PKP4: variants seen among roughly 807,000 people sequenced by gnomAD.
The protein encoded by PKP4 is plakophilin 4, also known as plakophilin-4.
In PKP4, 90 loss-of-function variants were observed where a neutral mutation model predicts 145.1. That is an observed-to-expected ratio of 0.62 (90% CI 0.52 to 0.74). PKP4 has a LOEUF of 0.74. PKP4 is among the 30% of genes least tolerant of loss of function. The probability of loss-of-function intolerance (pLI) is 0.00; values close to 1 mark genes in which losing one functional copy is unlikely to be tolerated. For synonymous variants in PKP4, 563 were observed against 577.2 expected (o/e 0.98, Z 0.35); for missense variants, 1,340 against 1,482.7 (o/e 0.90, Z 1.58).
intron 3 of PKP4, among the ~76,000 whole-genome samples, chr2:158,591,266 G>T (rs2049253840): frequency 6.6e-6 from 1 of 151,920 alleles, no homozygotes; most frequent in African/African-American, 2.4e-5. Flanking sequence ...CAGGGAATAT[G>T]AATACTGACT....
intron 3 of PKP4, among the ~76,000 whole-genome samples, chr2:158,593,830 A>G (rs2049486923): frequency 6.6e-6 from 1 of 152,236 alleles, no homozygotes; most frequent in Non-Finnish European, 1.5e-5. Context: ...GAAAACAAGT[A>G]TGAAAACAAA....
intron 1 of PKP4, among the ~76,000 whole-genome samples, chr2:158,521,879 T>TATTTTGTA (rs1385484731): frequency 6.6e-6 from 1 of 152,236 alleles, no homozygotes; most frequent in Non-Finnish European, 1.5e-5. Flanking sequence ...GTTCATCTAA[T>TATTTTGTA]GCTTATTTTC....
chr2:158,550,553 C>G (rs903126125), intron 2 of PKP4, among the ~76,000 whole-genome samples: 1 of 152,208 alleles, frequency 6.6e-6, no homozygotes, highest in Non-Finnish European at 1.5e-5. Flanking sequence ...GGTGTGATTT[C>G]TAGTCCTGCT....
chr2:158,635,655 A>G (rs1366794237), intron 9 of PKP4, among the ~76,000 whole-genome samples: 1 of 152,200 alleles, frequency 6.6e-6, no homozygotes, highest in East Asian at 1.9e-4. Context: ...TTGATTCTCT[A>G]TAAACAAGGA....
chr2:158,474,672 A>G (rs549242334), intron 1 of PKP4, among the ~76,000 whole-genome samples: 44 of 152,274 alleles, frequency 2.9e-4, no homozygotes, highest in South Asian at 1.7e-3. Context: ...CCTTTCCCTC[A>G]GCAGTGTAAG....
At chr2:158,635,305 C>G (rs1362288570) in intron 9 of PKP4, among the ~76,000 whole-genome samples, 1 of 152,270 alleles carries the variant, frequency 6.6e-6, no homozygotes, top group East Asian at 1.9e-4. Flanking sequence ...TCCTGAAATT[C>G]TTTAAGCTAT....
rs767750304 is a variant in PKP4, at chr2:158,634,205, A to G, written c.1478A>G (p.Asn493Ser). Residue 493 changes from asparagine (N) to serine (S), a missense_variant, in exon 9 of 22, where the codon AAT becomes AGT. By Grantham distance (46) the Asn-to-Ser change is conservative. Transcript: ENST00000389759. The part of the protein sequence containing the change: ...RPIQYRVQEC[N>S]YNRLQHAVPA... ...ATACAATACCGAGTGCAAGAGTGCA[A>G]TTATAACAGGCTTCAGCATGCAGTG... is the stretch of plus-strand genomic sequence containing the variant. 1.4e-5 allele frequency: 22 copies of G among 1,614,018 alleles called. No homozygotes were observed. Among genetic ancestry groups the G allele is most frequent in the South Asian group, 3.3e-5 (3 of 91,078 alleles).
intron 1 of PKP4, among the ~76,000 whole-genome samples, chr2:158,517,189 G>T (rs532607811): frequency 6.6e-6 from 1 of 152,264 alleles, no homozygotes; most frequent in East Asian, 1.9e-4. Flanking sequence ...AACAGATTGA[G>T]ATTTCATATG....
chr2:158,492,486 C>G (rs1403173665), intron 1 of PKP4, among the ~76,000 whole-genome samples: 8 of 152,138 alleles, frequency 5.3e-5, no homozygotes, highest in Non-Finnish European at 1.2e-4. Flanking sequence ...GAGAGCTGTA[C>G]TGGCACCCCC....
intron 7 of PKP4, among the ~76,000 whole-genome samples, chr2:158,631,214 A>G (rs959678813): frequency 6.6e-6 from 1 of 152,072 alleles, no homozygotes; most frequent in African/African-American, 2.4e-5. Flanking sequence ...TGCTGGGATT[A>G]CAGGCGTGAA....
chr2:158,574,574 A>G (rs560025433), intron 2 of PKP4, among the ~76,000 whole-genome samples: 47 of 152,220 alleles, frequency 3.1e-4, no homozygotes, highest in Non-Finnish European at 5.6e-4. Flanking sequence ...TGCCATTCAC[A>G]TGTGCGTGTG....
At chr2:158,606,020 G>T (rs2050624716) in intron 4 of PKP4, among the ~76,000 whole-genome samples, 1 of 151,964 alleles carries the variant, frequency 6.6e-6, no homozygotes, top group Non-Finnish European at 1.5e-5. Context: ...ATCAGTTGAT[G>T]GACATTTAGG....
rs1371352823 is a variant in PKP4 at position 158,554,418 on chromosome 2, T to TTAC, written c.132+21104_132+21105insCTA. Among the ~76,000 whole-genome samples the TTAC allele has an allele frequency of 1.6e-4, 7 of 45,048 alleles. No individual in the cohort carries two copies. In the Admixed American group the frequency reaches 2.2e-3, roughly 14 times the overall value. The allele number at this position is 45,048 out of a possible 152,430, so 29.6% of individuals were successfully genotyped here. ...TTTCTTAGTATTCACTCAGAAATAA[T>TTAC]TATTATTATTATTTTTTTTTTTTTT... On this transcript the variant is annotated intron_variant, in intron 2 of 21. Coordinates refer to ENST00000389759, the MANE Select transcript of PKP4 (RefSeq NM_003628.6).
chr2:158,558,329 A>G (rs1020587190), intron 2 of PKP4, among the ~76,000 whole-genome samples: 2 of 152,208 alleles, frequency 1.3e-5, no homozygotes, highest in African/African-American at 4.8e-5. Context: ...TAGAGCAAGT[A>G]GAAAACTGGA....
chr2:158,580,992 C>T (rs2048287733), intron 3 of PKP4, among the ~76,000 whole-genome samples: 1 of 152,190 alleles, frequency 6.6e-6, no homozygotes, highest in African/African-American at 2.4e-5. Context: ...GGGCACCCAG[C>T]CAAATGATCA....
intron 3 of PKP4, among the ~76,000 whole-genome samples, chr2:158,601,731 A>G (rs763084311): frequency 6.6e-6 from 1 of 152,208 alleles, no homozygotes; most frequent in African/African-American, 2.4e-5. Context: ...AATGTGAACT[A>G]CTGCACCTGT....
intron 1 of PKP4, among the ~76,000 whole-genome samples, chr2:158,460,604 T>C (rs1689616190): frequency 6.6e-6 from 1 of 152,246 alleles, no homozygotes; most frequent in African/African-American, 2.4e-5. Context: ...GAATGCTCTG[T>C]AATCTAATGT....
chr2:158,520,852 T>C (rs1004466717), intron 1 of PKP4, among the ~76,000 whole-genome samples: 1 of 152,230 alleles, frequency 6.6e-6, no homozygotes, highest in Non-Finnish European at 1.5e-5. Flanking sequence ...TTGTGTTCTT[T>C]TGCACCTTGC....
intron 2 of PKP4, among the ~76,000 whole-genome samples, chr2:158,538,177 C>G (rs1229495542): frequency 6.6e-6 from 1 of 152,200 alleles, no homozygotes; most frequent in Non-Finnish European, 1.5e-5. Context: ...CAGAGCCTTG[C>G]TGCTGCCCTC....
Sources: allele counts gnomAD v4.1 joint callset (sites outside exome capture counted in the v4.1 genomes callset), GRCh38; gene constraint gnomAD v4.1.1; transcripts MANE v1.5; gene names NCBI Gene and HGNC (gene_info 2026-07-23, HGNC 2026-07-21).